Variants in RTCA observed in about 807,000 individuals in gnomAD.
RTCA encodes the protein RNA 3'-terminal phosphate cyclase.
In RTCA, 37 loss-of-function variants were observed where a neutral mutation model predicts 46.1. The ratio of observed to expected loss-of-function variants is 0.80; its 90% CI spans 0.62 to 1.06. The LOEUF (loss-of-function observed/expected upper bound fraction) is 1.06. Ranked by LOEUF, RTCA falls within the 50% of genes least tolerant of loss-of-function variation. RTCA has a pLI of 0.00. For synonymous variants in RTCA, 164 were observed against 158.3 expected (o/e 1.04, Z -0.27); for missense variants, 435 against 455.5 (o/e 0.95, Z 0.41).
intron 4 of RTCA, 80 bp downstream of exon 4, chr1:100,270,760 G>GT (rs1416816326): frequency 1.6e-5 from 23 of 1,466,096 alleles, no homozygotes; most frequent in Middle Eastern, 1.8e-4. Context: ...TATCCTGAGT[G>GT]TTTTTTTGTG....
At chr1:100,275,010 T>C in intron 6 of RTCA, 45 bp downstream of exon 6, 1 of 1,504,222 alleles carries the variant, frequency 6.6e-7, no homozygotes, top group Non-Finnish European at 9.0e-7. Context: ...ATGTGTGTCT[T>C]GATAAATATT....
chr1:100,273,954 G>A (rs902546699), intron 5 of RTCA, among the ~76,000 whole-genome samples: 4 of 151,960 alleles, frequency 2.6e-5, no homozygotes, highest in African/African-American at 4.8e-5. Flanking sequence ...TAACTTCTTC[G>A]TCCCTCTCCT....
intron 10 of RTCA, among the ~76,000 whole-genome samples, chr1:100,290,415 T>C (rs1037783614): frequency 1.3e-5 from 2 of 152,182 alleles, no homozygotes; most frequent in Non-Finnish European, 2.9e-5. Flanking sequence ...GTTGTTTTGA[T>C]TCTAAATTTA....
chr1:100,285,303 A>G lies in RTCA; in HGVS notation c.875A>G (p.Asp292Gly), dbSNP rs1666961353. ...LANLRHGGTV[D>G]EYLQDQLIVF... ...AATCTTAGACATGGTGGTACTGTGGATGAGTATCTGCAAGACCAGGTAATG... is the reference window on the plus strand; with the variant it reads ...AATCTTAGACATGGTGGTACTGTGGGTGAGTATCTGCAAGACCAGGTAATG... Residue 292 changes from aspartate (D) to glycine (G), a missense_variant, in exon 9 of 11, where the codon GAT (aspartate) becomes GGT (glycine). Asp to Gly is a moderately conservative substitution (Grantham distance 94). Coordinates refer to ENST00000370128, the MANE Select transcript of RTCA (RefSeq NM_003729.4). 6.2e-7 allele frequency: 1 copy of G among 1,613,492 alleles called. No individual in the cohort carries two copies. The highest frequency in any genetic ancestry group is 8.5e-7 in the Non-Finnish European group (1 of 1,179,534).
chr1:100,285,171 G>A (rs962420994), intron 8 of RTCA, 57 bp from the exon 9 acceptor site: 3 of 1,425,902 alleles, frequency 2.1e-6, no homozygotes, highest in African/African-American at 1.5e-5. Flanking sequence ...TTGTCTCTTA[G>A]TAATTAGTTT....
intron 2 of RTCA, chr1:100,267,479 C>T (rs1043120627): frequency 6.6e-7 from 1 of 1,523,520 alleles, no homozygotes. Context: ...GCTTAAACAA[C>T]AGAAATTTAT....
At chr1:100,266,961 T>C in intron 2 of RTCA, 1 of 345,046 alleles carries the variant, frequency 2.9e-6, no homozygotes, top group Non-Finnish European at 5.4e-6. Context: ...AGGGCAGAAA[T>C]GCTTGTGACG....
chr1:100,275,416 A>T (rs1460438510), intron 6 of RTCA, among the ~76,000 whole-genome samples, 183 bp from the exon 7 acceptor site: 3 of 152,266 alleles, frequency 2.0e-5, no homozygotes, highest in Non-Finnish European at 4.4e-5. Context: ...GGATACATTA[A>T]TTAACAAAAA....
intron 9 of RTCA, among the ~76,000 whole-genome samples, chr1:100,286,296 T>C (rs1385277012): frequency 6.6e-6 from 1 of 150,920 alleles, no homozygotes; most frequent in African/African-American, 2.4e-5. Context: ...ACTGAAAAAA[T>C]ACAAAAAATT....
intron 6 of RTCA, 29 bp downstream of exon 6, chr1:100,274,994 A>C: frequency 6.4e-7 from 1 of 1,569,304 alleles, no homozygotes; most frequent in Non-Finnish European, 8.7e-7. Flanking sequence ...CTTAGAAATA[A>C]AATATATGTG....
rs192403721 is a variant in RTCA at position 100,292,668 on chromosome 1, G to A, written c.*1164G>A. On this transcript the variant is annotated 3_prime_UTR_variant, in exon 11 of 11. Coordinates refer to ENST00000370128, the MANE Select transcript of RTCA (RefSeq NM_003729.4). ...TGTTTTGGAAGCCAAACAATTAAGA[G>A]AAGTAAAATTTTAACCCTAGTAGGT... The A allele has an allele frequency of 6.6e-6, 1 of 152,290 alleles. No individual in the cohort carries two copies. The highest frequency in any genetic ancestry group is 1.5e-5 in the Non-Finnish European group (1 of 68,006). The allele number at this position is 152,290 out of a possible 1,614,324, so 9.4% of individuals were successfully genotyped here. A position where few individuals can be genotyped will look rare whatever the true frequency, so the allele number is the denominator to read the frequency against.
intron 7 of RTCA, 42 bp from the exon 8 acceptor site, chr1:100,277,216 A>C (rs1181586143): frequency 1.3e-6 from 2 of 1,559,966 alleles, no homozygotes; most frequent in African/African-American, 2.7e-5. Context: ...TAAATTTGGA[A>C]CATTTATAGC....
chr1:100,281,191 G>A, intron 8 of RTCA: 1 of 530,492 alleles, frequency 1.9e-6, no homozygotes, highest in Non-Finnish European at 3.8e-6. Context: ...TATATGTTGA[G>A]CAAGAAGATT....
chr1:100,268,284 C>T lies in RTCA; in HGVS notation c.279C>T (p.Thr93=). ...KIKGGIHTAD[T]KTAGSVCLLM... ...AAGGTGGAATCCACACAGCAGATACCAAGACAGCAGGGTATGTATCACTTA... is the reference window on the plus strand; with the variant it reads ...AAGGTGGAATCCACACAGCAGATACTAAGACAGCAGGGTATGTATCACTTA... The change falls in exon 3 of 11, where the codon ACC becomes ACT. Residue 93 remains threonine (T), a synonymous_variant. Coordinates refer to ENST00000370128, the MANE Select transcript of RTCA (RefSeq NM_003729.4). 6.2e-7 allele frequency: 1 copy of T among 1,611,864 alleles called. No homozygotes were observed. Among genetic ancestry groups the T allele is most frequent in the South Asian group, 1.1e-5 (1 of 90,756 alleles).
Position 100,266,509 on chromosome 1 carries a change from C to T in RTCA, c.46-15C>T. On this transcript the variant is annotated splice_polypyrimidine_tract_variant and intron_variant, in intron 1 of 10. Coordinates refer to ENST00000370128, the MANE Select transcript of RTCA (RefSeq NM_003729.4). ...TGTGCTTACTTCTCTTCTCCCTGTACCCCAACCTTTGCAGGGCGGCCAGAT... is the reference window on the plus strand; with the variant it reads ...TGTGCTTACTTCTCTTCTCCCTGTATCCCAACCTTTGCAGGGCGGCCAGAT... 1 of 1,612,134 alleles carries T rather than the reference C, an allele frequency of 6.2e-7. No homozygotes were observed. Among genetic ancestry groups the T allele is most frequent in the Non-Finnish European group, 8.5e-7 (1 of 1,178,410 alleles).
chr1:100,275,987 C>G (rs1226325239), intron 7 of RTCA, among the ~76,000 whole-genome samples: 1 of 151,926 alleles, frequency 6.6e-6, no homozygotes, highest in East Asian at 1.9e-4. Context: ...AGGCGCCCAC[C>G]ACCACGCCCA....
rs761644778 is a variant in RTCA, at chr1:100,281,224, C to T, written c.799+3908C>T. On this transcript the variant is annotated intron_variant, in intron 8 of 10. Coordinates refer to ENST00000370128, the MANE Select transcript of RTCA (RefSeq NM_003729.4). ...ATTAGCCTGGAGAATCTCCAAAATC[C>T]TTCTAACTATAACATTCTTCAATTT... 17 of 532,556 alleles carry T rather than the reference C, an allele frequency of 3.2e-5. No homozygotes were observed. The African/African-American group carries it at 3.3e-4, about 10-fold the overall frequency. The allele number at this position is 532,556 out of a possible 1,614,324, so 33.0% of individuals were successfully genotyped here.
chr1:100,266,257 C>A lies in RTCA; in HGVS notation c.-119C>A. ...CCGCTTCTTCCGCTTTCTCGTCAGG[C>A]TCCTGCGCCCCAGGCATGAACCAAG... On this transcript the variant is annotated 5_prime_UTR_variant, in exon 1 of 11. Transcript: ENST00000370128. 2.9e-6 allele frequency: 3 copies of A among 1,019,804 alleles called. No individual in the cohort carries two copies. The highest frequency in any genetic ancestry group is 4.1e-6 in the Non-Finnish European group (3 of 725,670). 63.2% of individuals were successfully genotyped at this position (1,019,804 alleles called of 1,614,324 possible).
chr1:100,275,075 AAAT>A (rs1218471176), intron 6 of RTCA, 110 bp downstream of exon 6: 2 of 1,160,850 alleles, frequency 1.7e-6, no homozygotes, highest in African/African-American at 3.1e-5. Context: ...TTAAGGAAAG[AAAT>A]AATGTCCTTT....
Sources: gnomAD v4.1 joint callset for allele counts (sites outside exome capture counted in the v4.1 genomes callset) on GRCh38, gnomAD v4.1.1 for gene constraint, MANE v1.5 for transcripts, NCBI Gene and HGNC (gene_info 2026-07-23, HGNC 2026-07-21) for gene names.